BMPR2: variants seen among roughly 807,000 people sequenced by gnomAD.
BMPR2 encodes bone morphogenetic protein receptor type 2, also known as bone morphogenetic protein receptor type-2.
A neutral mutation model predicts 100.8 loss-of-function variants in BMPR2; 29 were observed. The ratio of observed to expected loss-of-function variants is 0.29; its 90% CI spans 0.21 to 0.39. The LOEUF (loss-of-function observed/expected upper bound fraction) is 0.39. Among genes scored for constraint, BMPR2 ranks in the 10% least tolerant of loss-of-function variants. The pLI is 1.00. For synonymous variants in BMPR2, 382 were observed against 442.3 expected (o/e 0.86, Z 1.71); for missense variants, 1,011 against 1,274.5 (o/e 0.79, Z 3.15).
rs966707625 is a variant in BMPR2 at position 202,566,479 on chromosome 2, CAACTA to C, written c.*6535_*6539del. On this transcript the variant is annotated 3_prime_UTR_variant, in exon 13 of 13. Transcript: ENST00000374580. ...TAATTACTGAACAGAGGGAATGACT[CAACTA>C]ATTGGCTACATGTTGCAACAAATTT... is the stretch of plus-strand genomic sequence containing the variant. 1 of 152,504 alleles carries C rather than the reference CAACTA, an allele frequency of 6.6e-6. No individual in the cohort carries two copies. The highest frequency in any genetic ancestry group is 2.4e-5 in the African/African-American group (1 of 41,458). 9.4% of individuals were successfully genotyped at this position (152,504 alleles called of 1,614,324 possible).
intron 1 of BMPR2, among the ~76,000 whole-genome samples, chr2:202,395,625 A>G (rs1289205992): frequency 1.3e-5 from 2 of 152,212 alleles, no homozygotes; most frequent in Admixed American, 6.5e-5. Flanking sequence ...CTGTGGCTGA[A>G]CAGGTAGGGA....
intron 1 of BMPR2, among the ~76,000 whole-genome samples, chr2:202,454,669 G>T (rs1692055841): frequency 6.6e-6 from 1 of 152,140 alleles, no homozygotes; most frequent in Non-Finnish European, 1.5e-5. Context: ...ATTTACAGTT[G>T]TGCTTTAATG....
intron 3 of BMPR2, chr2:202,475,051 C>T (rs995791919): frequency 6.6e-6 from 1 of 152,088 alleles, no homozygotes; most frequent in Non-Finnish European, 1.5e-5. Context: ...TTTATTTTTG[C>T]GTAGCTGTAT....
intron 1 of BMPR2, among the ~76,000 whole-genome samples, chr2:202,388,609 C>T (rs1416934951): frequency 1.3e-5 from 2 of 151,140 alleles, no homozygotes; most frequent in Non-Finnish European, 2.9e-5. Flanking sequence ...ACGGTGAAAC[C>T]CCGTCTCTAC....
chr2:202,467,201 T>C, intron 2 of BMPR2: 1 of 344,386 alleles, frequency 2.9e-6, no homozygotes, highest in East Asian at 7.8e-5. Context: ...AGGTGGAGAT[T>C]GCAGTGAGCT....
intron 3 of BMPR2, among the ~76,000 whole-genome samples, chr2:202,473,799 T>TA (rs1251128319): frequency 1.4e-5 from 2 of 139,740 alleles, no homozygotes; most frequent in East Asian, 4.3e-4. Context: ...TCAAAATAAA[T>TA]AAAATAAAAT....
intron 3 of BMPR2, chr2:202,469,441 C>T (rs976016715): frequency 4.7e-5 from 13 of 278,990 alleles, no homozygotes; most frequent in Admixed American, 8.0e-5. Context: ...TCACAGTATA[C>T]GCAAACTGAA....
chr2:202,447,107 A>T (rs1037448319), intron 1 of BMPR2, among the ~76,000 whole-genome samples: 5 of 147,564 alleles, frequency 3.4e-5, no homozygotes. Context: ...AGAGTTTGAG[A>T]CCAGCCTGGC....
At chr2:202,550,565 AAGG>A (rs1422235786) in intron 10 of BMPR2, among the ~76,000 whole-genome samples, 2 of 151,962 alleles carry the variant, frequency 1.3e-5, no homozygotes, top group Non-Finnish European at 2.9e-5. Context: ...AATAAGAAAA[AAGG>A]AGGAGGCTGG....
rs187441279 is a variant in BMPR2 at position 202,475,809 on chromosome 2, G to A, written c.418+8120G>A. 3.3e-3 allele frequency among the ~76,000 whole-genome samples: 507 copies of A among 152,068 alleles called. 1 individual carries two copies. Among genetic ancestry groups the A allele is most frequent in the African/African-American group, 0.012 (478 of 41,490 alleles). ...GTCCCGGCCGGGTGCAGTGGCTCAC[G>A]CCTGTAATCCCAGCCCTTTGGGAGG... On this transcript the variant is annotated intron_variant, in intron 3 of 12. Transcript: ENST00000374580.
chr2:202,511,502 A>G (rs1687623537), intron 3 of BMPR2, among the ~76,000 whole-genome samples: 1 of 152,162 alleles, frequency 6.6e-6, no homozygotes, highest in African/African-American at 2.4e-5. Flanking sequence ...TTTCTACTGT[A>G]TACTTACCAT....
At chr2:202,418,481 A>C (rs1691184060) in intron 1 of BMPR2, among the ~76,000 whole-genome samples, 1 of 152,224 alleles carries the variant, frequency 6.6e-6, no homozygotes. Flanking sequence ...CCAAGGGCCC[A>C]TGACACAGCC....
intron 6 of BMPR2, among the ~76,000 whole-genome samples, chr2:202,519,803 A>C (rs994860450): frequency 6.6e-6 from 1 of 152,202 alleles, no homozygotes; most frequent in African/African-American, 2.4e-5. Context: ...TTCTATCTTA[A>C]TTTGATCAAA....
intron 3 of BMPR2, among the ~76,000 whole-genome samples, chr2:202,482,329 T>A (rs1692676446): frequency 6.6e-6 from 1 of 152,214 alleles, no homozygotes. Context: ...TTCTTTTGGA[T>A]GTATACCAAG....
rs1688657359 is a variant in BMPR2, at chr2:202,560,252, AAAAG to A, written c.*307_*310del. 1 of 339,350 alleles carries A rather than the reference AAAAG, an allele frequency of 2.9e-6. No individual in the cohort carries two copies. The highest frequency in any genetic ancestry group is 2.1e-5 in the African/African-American group (1 of 47,342). 21.0% of individuals were successfully genotyped at this position (339,350 alleles called of 1,614,324 possible). A position where few individuals can be genotyped will look rare whatever the true frequency, so the allele number is the denominator to read the frequency against. ...GGTCTCAAAATATTTTTTTAAGAAAAAAAGCAAAAACAATGTATTGCTGATAATC... is the reference window on the plus strand; with the variant it reads ...GGTCTCAAAATATTTTTTTAAGAAAACAAAAACAATGTATTGCTGATAATC... On this transcript the variant is annotated 3_prime_UTR_variant, in exon 13 of 13. Transcript: ENST00000374580.
At chr2:202,384,569 T>TTTTTCTTTCTTTTCTTTCTTTTCTTTC (rs56341654) in intron 1 of BMPR2, among the ~76,000 whole-genome samples, 2 of 93,504 alleles carry the variant, frequency 2.1e-5, no homozygotes, top group East Asian at 5.2e-4. Context: ...TCTTTCTTTC[T>TTTTTCTTTCTTTTCTTTCTTTTCTTTC]TTTTCTTTCT....
At chr2:202,427,994 A>T (rs1421390255) in intron 1 of BMPR2, among the ~76,000 whole-genome samples, 1 of 152,048 alleles carries the variant, frequency 6.6e-6, no homozygotes, top group East Asian at 1.9e-4. Context: ...AAATAAACAA[A>T]CAAACAAATA....
chr2:202,391,326 T>C (rs1690544274), intron 1 of BMPR2, among the ~76,000 whole-genome samples: 1 of 151,810 alleles, frequency 6.6e-6, no homozygotes, highest in African/African-American at 2.4e-5. Flanking sequence ...TTCAATAAAA[T>C]AGGGCCTTGC....
chr2:202,445,450 C>G (rs1205538763), intron 1 of BMPR2, among the ~76,000 whole-genome samples: 1 of 150,176 alleles, frequency 6.7e-6, no homozygotes, highest in East Asian at 1.9e-4. Flanking sequence ...TGATCTCAAA[C>G]TCCTGGGCTC....
Sources: allele counts gnomAD v4.1 joint callset (sites outside exome capture counted in the v4.1 genomes callset), GRCh38; gene constraint gnomAD v4.1.1; transcripts MANE v1.5; gene names NCBI Gene and HGNC (gene_info 2026-07-23, HGNC 2026-07-21).